Variants in RPE65 observed in about 807,000 individuals in gnomAD.
The protein encoded by RPE65 is retinoid isomerohydrolase.
Under a neutral mutation model 68.5 loss-of-function variants are expected in RPE65, and 58 were observed. The ratio of observed to expected loss-of-function variants is 0.85; its 90% CI spans 0.69 to 1.05. The LOEUF (loss-of-function observed/expected upper bound fraction) is 1.05. Among genes scored for constraint, RPE65 ranks in the 50% least tolerant of loss-of-function variants. The pLI is 0.00. For synonymous variants in RPE65, 220 were observed against 222.2 expected (o/e 0.99, Z 0.09); for missense variants, 643 against 629.9 (o/e 1.02, Z -0.22).
rs1451699298 is a variant in RPE65 at position 68,432,787 on chromosome 1, TC to T, written c.1129-1203del. 5.3e-5 allele frequency among the ~76,000 whole-genome samples: 8 copies of T among 152,182 alleles called. No individual in the cohort carries two copies. In the East Asian group the frequency reaches 1.5e-3, roughly 29 times the overall value. On this transcript the variant is annotated intron_variant, in intron 10 of 13. Transcript: ENST00000262340. ...AGGGTAGCCTTGTTAGTAGGGAGGA[TC>T]CAAGAGTGGAATCAGGGAAACCAGT...
chr1:68,441,082 A>G, intron 5 of RPE65, 82 bp from the exon 6 acceptor site: 10 of 1,489,516 alleles, frequency 6.7e-6, no homozygotes, highest in Non-Finnish European at 8.3e-6. Context: ...GGTCATCACT[A>G]CCCCTTGAAC....
intron 1 of RPE65, among the ~76,000 whole-genome samples, chr1:68,449,333 C>T (rs993018559): frequency 2.6e-5 from 4 of 152,120 alleles, no homozygotes; most frequent in Admixed American, 6.6e-5. Context: ...CATAGTCAGA[C>T]CAGGAGATTC....
At chr1:68,430,004 A>C in intron 13 of RPE65, 77 bp from the exon 14 acceptor site, 2 of 1,557,796 alleles carry the variant, frequency 1.3e-6, no homozygotes, top group Non-Finnish European at 1.8e-6. Flanking sequence ...TTGAAATAAT[A>C]TAGGAGGTAT....
intron 5 of RPE65, among the ~76,000 whole-genome samples, chr1:68,443,212 T>C (rs1412995178): frequency 2.0e-5 from 3 of 152,268 alleles, no homozygotes; most frequent in Non-Finnish European, 4.4e-5. Context: ...AATATTCCCC[T>C]TGACATTAAC....
At chr1:68,439,379 A>T in intron 7 of RPE65, 56 bp from the exon 8 acceptor site, 1 of 1,608,984 alleles carries the variant, frequency 6.2e-7, no homozygotes, top group South Asian at 1.1e-5. Flanking sequence ...CAAGCCACAG[A>T]CAAATTTGTA....
intron 1 of RPE65, among the ~76,000 whole-genome samples, chr1:68,449,035 G>T (rs376600969): frequency 6.6e-6 from 1 of 151,970 alleles, no homozygotes; most frequent in Non-Finnish European, 1.5e-5. Flanking sequence ...TCCTTACTTC[G>T]GAAGACAAAT....
chr1:68,441,481 C>G (rs1259975373), intron 5 of RPE65, among the ~76,000 whole-genome samples: 1 of 151,800 alleles, frequency 6.6e-6, no homozygotes, highest in African/African-American at 2.4e-5. Flanking sequence ...GGACTTCAAG[C>G]TTCATCTAGT....
Position 68,444,593 on chromosome 1 carries a change from C to A in RPE65, c.433G>T (p.Ala145Ser), listed in dbSNP as rs767528365. The A allele has an allele frequency of 1.2e-6, 2 of 1,613,976 alleles. No homozygotes were observed. The highest frequency in any genetic ancestry group is 1.3e-5 in the African/African-American group (1 of 74,914). ...NVYPVGEDYY[A>S]CTETNFITKI... ...GTAATAAAGTTGGTCTCTGTGCAAG[C>A]GTAGTAATCTTCCCCCACTGGGTAG... Residue 145 changes from alanine to serine, a missense_variant, in exon 5 of 14, where the codon GCT (alanine) becomes TCT (serine). Ala to Ser is a moderately conservative substitution (Grantham distance 99). Transcript: ENST00000262340.
intron 13 of RPE65, among the ~76,000 whole-genome samples, chr1:68,430,297 A>T (rs926047509): frequency 6.6e-6 from 1 of 152,220 alleles, no homozygotes; most frequent in African/African-American, 2.4e-5. Context: ...ATACTGTAAA[A>T]ACTGTGATGA....
chr1:68,448,479 G>T, intron 2 of RPE65, 145 bp downstream of exon 2: 1 of 717,544 alleles, frequency 1.4e-6, no homozygotes, highest in South Asian at 1.6e-5. Context: ...AAGAAAATGG[G>T]TTCTTGCTAT....
Position 68,444,651 on chromosome 1 carries a change from TC to T in RPE65, c.374del (p.Gly125GlufsTer2), listed in dbSNP as rs773889572. ...IFSRFFSYFRGVEVTDNALVN... is the reference protein window; with the variant it reads ...IFSRFFSYFRXVEVTDNALVN... Reference sequence around the variant, plus strand: ...CAAGGGCATTGTCAGTAACCTCTACTCCTCGAAAGTAAGAAAAAAACCTGTA... The same window carrying T: ...CAAGGGCATTGTCAGTAACCTCTACTCTCGAAAGTAAGAAAAAAACCTGTA... On this transcript the variant is annotated frameshift_variant, in exon 5 of 14. Coordinates refer to ENST00000262340, the MANE Select transcript of RPE65 (RefSeq NM_000329.3). LOFTEE classifies it high-confidence loss of function. The T allele has an allele frequency of 1.2e-6, 2 of 1,614,112 alleles. No homozygotes were observed. The highest frequency in any genetic ancestry group is 1.7e-6 in the Non-Finnish European group (2 of 1,180,034).
In RPE65 at chr1:68,438,180, A is replaced by G. The variant is rs1645874015; in HGVS notation, c.1128+7T>C. The G allele has an allele frequency of 1.2e-6, 2 of 1,613,832 alleles. No homozygotes were observed. The highest frequency in any genetic ancestry group is 1.7e-6 in the Non-Finnish European group (2 of 1,179,826). On this transcript the variant is annotated splice_region_variant and intron_variant, in intron 10 of 13. Transcript: ENST00000262340. ...TTAAATCTGAAATCTACAGAGAAGC[A>G]GGTTACCTTGTCAATATTCAAAGGA...
At chr1:68,436,195 A>G (rs904703951) in intron 10 of RPE65, among the ~76,000 whole-genome samples, 4 of 152,230 alleles carry the variant, frequency 2.6e-5, no homozygotes, top group East Asian at 1.9e-4. Flanking sequence ...ACTGAAATTA[A>G]CTGACTCATC....
intron 5 of RPE65, among the ~76,000 whole-genome samples, chr1:68,442,422 C>T (rs977357913): frequency 1.3e-5 from 2 of 152,070 alleles, no homozygotes; most frequent in African/African-American, 4.8e-5. Context: ...GTAGAGGAGG[C>T]GAAATAAGAG....
Position 68,436,848 on chromosome 1 carries a change from T to C in RPE65, c.1128+1339A>G, listed in dbSNP as rs1297432080. On this transcript the variant is annotated intron_variant, in intron 10 of 13. Transcript: ENST00000262340. ...ACTGCTCAGGATGGAAATCTTGAAG[T>C]CATCCTGAACTCCTTCCTCTCCCTT... Among the ~76,000 whole-genome samples the C allele has an allele frequency of 2.7e-4, 41 of 152,168 alleles. 1 individual carries two copies. Among genetic ancestry groups the C allele is most frequent in the Non-Finnish European group, 5.9e-5 (4 of 68,036 alleles).
intron 1 of RPE65, among the ~76,000 whole-genome samples, chr1:68,448,970 C>A (rs934703831): frequency 3.9e-5 from 6 of 152,044 alleles, no homozygotes; most frequent in African/African-American, 1.5e-4. Flanking sequence ...AGAGACATGA[C>A]CTCTCTTTTA....
At chr1:68,443,495 C>T (rs1488510892) in intron 5 of RPE65, among the ~76,000 whole-genome samples, 1 of 152,188 alleles carries the variant, frequency 6.6e-6, no homozygotes, top group Non-Finnish European at 1.5e-5. Flanking sequence ...CCTTCTACCT[C>T]CATGCTTTTG....
rs781363989 is a variant in RPE65, at chr1:68,429,757, A to C, written c.*19T>G. ...TTTTCTCAGTTTTGCTACCAAAAAC[A>C]TATCTTGCTGGAGTATGCTCAAGAT... On this transcript the variant is annotated 3_prime_UTR_variant, in exon 14 of 14. Transcript: ENST00000262340. 2 of 1,613,284 alleles carry C rather than the reference A, an allele frequency of 1.2e-6. No individual in the cohort carries two copies. Among genetic ancestry groups the C allele is most frequent in the African/African-American group, 2.7e-5 (2 of 74,894 alleles).
chr1:68,446,928 G>A, intron 2 of RPE65, 68 bp from the exon 3 acceptor site: 1 of 1,604,998 alleles, frequency 6.2e-7, no homozygotes, highest in Non-Finnish European at 8.5e-7. Context: ...CCTTGGTAAG[G>A]CAGAGTATAT....
Sources: allele counts gnomAD v4.1 joint callset (sites outside exome capture counted in the v4.1 genomes callset), GRCh38; gene constraint gnomAD v4.1.1; transcripts MANE v1.5; gene names NCBI Gene and HGNC (gene_info 2026-07-23, HGNC 2026-07-21).